GRM8: variants seen among roughly 807,000 people sequenced by gnomAD.
GRM8 encodes the protein metabotropic glutamate receptor 8.
Under a neutral mutation model 87.2 loss-of-function variants are expected in GRM8, and 47 were observed. The ratio of observed to expected loss-of-function variants is 0.54; its 90% CI spans 0.43 to 0.69. The LOEUF (loss-of-function observed/expected upper bound fraction) is 0.69, where lower values mean the gene tolerates loss of function less well. Ranked by LOEUF, GRM8 falls within the 30% of genes least tolerant of loss-of-function variation. The pLI, the probability that GRM8 is intolerant of heterozygous loss-of-function variation, is 0.00. For missense variants in GRM8, 1,019 were observed against 1,139.2 expected (o/e 0.89, Z 1.52); for synonymous variants, 396 against 404.5 (o/e 0.98, Z 0.25).
chr7:127,188,047 G>T lies in GRM8; in HGVS notation c.510+54648C>A, dbSNP rs559843887. ...AATTTACTGAGTGCCTGCAATGGAA[G>T]AACACAAGTGCTAGGTTCTAGAAAT... On this transcript the variant is annotated intron_variant, in intron 2 of 10. Coordinates refer to ENST00000339582, the MANE Select transcript of GRM8 (RefSeq NM_000845.3). Among the ~76,000 whole-genome samples, 400 of 152,290 alleles carry T rather than the reference G, an allele frequency of 2.6e-3. 2 individuals carry two copies. The highest frequency in any genetic ancestry group is 5.1e-3 in the Non-Finnish European group (344 of 68,024).
At chr7:127,247,217 G>T (rs944966070) in intron 1 of GRM8, among the ~76,000 whole-genome samples, 3 of 152,158 alleles carry the variant, frequency 2.0e-5, no homozygotes, top group Non-Finnish European at 1.5e-5. Flanking sequence ...TGCTCCAAAT[G>T]AGGTCTCCTG....
chr7:126,634,937 A>G (rs905104860), intron 7 of GRM8, among the ~76,000 whole-genome samples: 2 of 152,184 alleles, frequency 1.3e-5, no homozygotes, highest in African/African-American at 4.8e-5. Flanking sequence ...AGAAGGGTCT[A>G]GCAGTAGAAA....
chr7:126,452,323 T>C (rs1372915896), intron 9 of GRM8, among the ~76,000 whole-genome samples: 1 of 148,852 alleles, frequency 6.7e-6, no homozygotes, highest in South Asian at 2.2e-4. Context: ...TTAGGAGATA[T>C]ACCTAATGTA....
At chr7:126,511,932 T>G (rs1172853175) in intron 9 of GRM8, 1 of 152,040 alleles carries the variant, frequency 6.6e-6, no homozygotes, top group Admixed American at 6.6e-5. Context: ...GTTGAACACA[T>G]AGAAAACTGA....
intron 7 of GRM8, among the ~76,000 whole-genome samples, chr7:126,731,241 C>G (rs1041398784): frequency 2.0e-5 from 3 of 151,908 alleles, no homozygotes; most frequent in Non-Finnish European, 4.4e-5. Context: ...ACTCTGATAC[C>G]CTGGCCACTC....
At chr7:126,478,405 G>A (rs145276941) in intron 9 of GRM8, among the ~76,000 whole-genome samples, 198 of 152,118 alleles carry the variant, frequency 1.3e-3, no homozygotes, top group African/African-American at 4.6e-3. Context: ...CATTACTGGC[G>A]TGAGATAAGG....
intron 1 of GRM8, among the ~76,000 whole-genome samples, chr7:127,249,316 G>A (rs1290710141): frequency 6.6e-6 from 1 of 152,206 alleles, no homozygotes; most frequent in African/African-American, 2.4e-5. Flanking sequence ...TCCCCAGGGA[G>A]TGAGTGGATT....
At chr7:126,575,884 A>G (rs1453325066) in intron 8 of GRM8, among the ~76,000 whole-genome samples, 1 of 152,176 alleles carries the variant, frequency 6.6e-6, no homozygotes, top group African/African-American at 2.4e-5. Flanking sequence ...ACCCAAATAT[A>G]TTTCTCTCAT....
At chr7:126,492,733 G>T (rs1308247368) in intron 9 of GRM8, among the ~76,000 whole-genome samples, 2 of 152,022 alleles carry the variant, frequency 1.3e-5, no homozygotes, top group African/African-American at 4.8e-5. Flanking sequence ...AACAGATAAA[G>T]ATGTAAATAG....
At chr7:126,644,768 C>A (rs1468430099) in intron 7 of GRM8, among the ~76,000 whole-genome samples, 1 of 152,192 alleles carries the variant, frequency 6.6e-6, no homozygotes, top group African/African-American at 2.4e-5. Context: ...TCTGCAGTGA[C>A]AACCATGACC....
chr7:126,460,619 C>T (rs535982764), intron 9 of GRM8, among the ~76,000 whole-genome samples: 29 of 151,496 alleles, frequency 1.9e-4, no homozygotes, highest in Non-Finnish European at 3.4e-4. Flanking sequence ...ATCTTATCTA[C>T]GGCTGAAAAT....
intron 8 of GRM8, among the ~76,000 whole-genome samples, chr7:126,599,551 T>C (rs994543142): frequency 1.1e-4 from 16 of 152,130 alleles, no homozygotes; most frequent in African/African-American, 3.9e-4. Context: ...TCCAATTATC[T>C]TGCTTCTCTG....
chr7:127,128,761 G>C (rs1195450351), intron 2 of GRM8, among the ~76,000 whole-genome samples: 1 of 152,030 alleles, frequency 6.6e-6, no homozygotes, highest in Non-Finnish European at 1.5e-5. Flanking sequence ...CATTCTTTCT[G>C]TGATACTATA....
chr7:126,458,584 T>C (rs1358866183), intron 9 of GRM8, among the ~76,000 whole-genome samples: 1 of 151,268 alleles, frequency 6.6e-6, no homozygotes, highest in Non-Finnish European at 1.5e-5. Context: ...GATTATACAA[T>C]ATATAATTAA....
intron 2 of GRM8, among the ~76,000 whole-genome samples, chr7:127,230,898 C>A (rs889840841): frequency 6.6e-6 from 1 of 152,178 alleles, no homozygotes; most frequent in Admixed American, 6.5e-5. Context: ...GATTGAGAAA[C>A]CTTGGCTGAT....
chr7:126,703,750 CAG>C (rs1316338164), intron 7 of GRM8, among the ~76,000 whole-genome samples: 3 of 152,080 alleles, frequency 2.0e-5, no homozygotes, highest in African/African-American at 7.2e-5. Flanking sequence ...TTTCTTGAGA[CAG>C]AGTCTTGCTA....
At chr7:127,248,604 T>A (rs939144704) in intron 1 of GRM8, among the ~76,000 whole-genome samples, 1 of 152,160 alleles carries the variant, frequency 6.6e-6, no homozygotes, top group African/African-American at 2.4e-5. Flanking sequence ...TGGGGAATGA[T>A]TTTCCCCCAT....
At chr7:126,683,907 C>T (rs1364664687) in intron 7 of GRM8, among the ~76,000 whole-genome samples, 2 of 152,088 alleles carry the variant, frequency 1.3e-5, no homozygotes, top group South Asian at 2.1e-4. Flanking sequence ...TGTGAGATAG[C>T]ATTAAAACAT....
At chr7:126,803,632 A>T (rs906612863) in intron 6 of GRM8, among the ~76,000 whole-genome samples, 8 of 152,182 alleles carry the variant, frequency 5.3e-5, no homozygotes, top group Non-Finnish European at 7.4e-5. Flanking sequence ...CATTCTAGTT[A>T]TTGTGAGATT....
Sources: allele counts gnomAD v4.1 joint callset (sites outside exome capture counted in the v4.1 genomes callset), GRCh38; gene constraint gnomAD v4.1.1; transcripts MANE v1.5; gene names NCBI Gene and HGNC (gene_info 2026-07-23, HGNC 2026-07-21).